Variants in MGAT4C observed in about 807,000 individuals in gnomAD.
MGAT4C encodes the protein MGAT4 family member C.
In MGAT4C, 19 loss-of-function variants were observed where a neutral mutation model predicts 40.1. The ratio of observed to expected loss-of-function variants is 0.47; its 90% CI spans 0.33 to 0.70. The LOEUF is 0.70. Among genes scored for constraint, MGAT4C ranks in the 30% least tolerant of loss-of-function variants. The pLI, the probability that MGAT4C is intolerant of heterozygous loss-of-function variation, is 0.02. For missense variants in MGAT4C, 491 were observed against 563.2 expected (o/e 0.87, Z 1.30); for synonymous variants, 181 against 187.1 (o/e 0.97, Z 0.27).
At chr12:86,572,754 T>C (rs1960415754) in intron 2 of MGAT4C, among the ~76,000 whole-genome samples, 1 of 152,032 alleles carries the variant, frequency 6.6e-6, no homozygotes, top group African/African-American at 2.4e-5. Context: ...CAACACTGGC[T>C]CTCCCAACCT....
rs554806740 is a variant in MGAT4C at position 86,657,844 on chromosome 12, T to C, written c.-229+69365A>G. Among the ~76,000 whole-genome samples, 5 of 152,104 alleles carry C rather than the reference T, an allele frequency of 3.3e-5. No individual in the cohort carries two copies. The East Asian group carries it at 9.7e-4, about 29-fold the overall frequency. ...CACTGAAAAGGCACCATATTCAAGA[T>C]GTTCTTTGAAAATTAAAGCACACAA... On this transcript the variant is annotated intron_variant, in intron 2 of 7. Coordinates refer to the MGAT4C transcript ENST00000548651.
At position 86,037,139 on chromosome 12, in the gene MGAT4C, C is replaced by T. The variant is rs553203707; in HGVS notation, c.-7+12535G>A. On this transcript the variant is annotated intron_variant, in intron 2 of 4. Transcript: ENST00000611864. ...TTCTGTGAGATCAGTGGTGATATCC[C>T]CTCGATCATTTTTTATTGCATCTAT... Among the ~76,000 whole-genome samples, 6 of 149,860 alleles carry T rather than the reference C, an allele frequency of 4.0e-5. No individual in the cohort carries two copies. The East Asian group carries it at 9.7e-4, about 24-fold the overall frequency.
intron 4 of MGAT4C, among the ~76,000 whole-genome samples, chr12:86,323,742 T>C (rs1954454470): frequency 6.6e-6 from 1 of 151,976 alleles, no homozygotes; most frequent in Non-Finnish European, 1.5e-5. Flanking sequence ...CTTTATAGCT[T>C]CATGCTTCAT....
chr12:86,684,464 C>G (rs954519091), intron 2 of MGAT4C, among the ~76,000 whole-genome samples: 3 of 152,148 alleles, frequency 2.0e-5, no homozygotes, highest in African/African-American at 7.2e-5. Context: ...CAAGTCTTTG[C>G]TCAGGTAAAT....
rs551014368 is a variant in MGAT4C at position 86,300,495 on chromosome 12, G to C, written c.-57+33570C>G. 6.6e-5 allele frequency among the ~76,000 whole-genome samples: 10 copies of C among 152,152 alleles called. No homozygotes were observed. In the South Asian group the frequency reaches 2.1e-3, roughly 32 times the overall value. On this transcript the variant is annotated intron_variant, in intron 4 of 7. Transcript: ENST00000548651. ...TATATAGAGTACATATTTTTAAATG[G>C]AATGGGAAAGACAGAAAAACAAAAA...
At chr12:86,745,174 T>A (rs1951134374) in intron 1 of MGAT4C, 1 of 150,416 alleles carries the variant, frequency 6.6e-6, no homozygotes, top group African/African-American at 2.4e-5. Context: ...CAAAATAAAG[T>A]TTTTTTTTTA....
intron 2 of MGAT4C, among the ~76,000 whole-genome samples, chr12:86,602,131 G>A (rs1270162779): frequency 6.6e-6 from 1 of 152,158 alleles, no homozygotes. Context: ...GGCCAGACCC[G>A]TGTTCATTTT....
At chr12:86,127,990 A>G (rs925698998) in intron 1 of MGAT4C, among the ~76,000 whole-genome samples, 2 of 152,234 alleles carry the variant, frequency 1.3e-5, no homozygotes, top group African/African-American at 4.8e-5. Flanking sequence ...TAGTAAATAC[A>G]TAAACCAGTA....
At chr12:86,646,449 GTTTC>G (rs1963545328) in intron 2 of MGAT4C, among the ~76,000 whole-genome samples, 1 of 151,824 alleles carries the variant, frequency 6.6e-6, no homozygotes, top group Non-Finnish European at 1.5e-5. Context: ...GTGAAACTTA[GTTTC>G]TTTGAGATTT....
intron 2 of MGAT4C, among the ~76,000 whole-genome samples, chr12:86,586,074 A>T (rs1418471040): frequency 6.9e-6 from 1 of 144,716 alleles, no homozygotes; most frequent in Non-Finnish European, 1.5e-5. Context: ...AGCATTAGGT[A>T]TATCTCCTAA....
At position 86,359,503 on chromosome 12, in the gene MGAT4C, A is replaced by AT. The variant is rs555916767; in HGVS notation, c.-119-25377dup. On this transcript the variant is annotated intron_variant, in intron 3 of 7. Coordinates refer to the MGAT4C transcript ENST00000548651. ...GAGAAGAACTGAAGGAGATAGAGAC[A>AT]TAAAAAAAAAACCCTTCAAAAAATC... Among the ~76,000 whole-genome samples the AT allele has an allele frequency of 1.8e-3, 265 of 149,492 alleles. 2 individuals are homozygous for AT. Among genetic ancestry groups the AT allele is most frequent in the African/African-American group, 6.1e-3 (251 of 40,954 alleles).
intron 1 of MGAT4C, among the ~76,000 whole-genome samples, chr12:86,236,864 C>G (rs945045627): frequency 6.6e-6 from 1 of 151,842 alleles, no homozygotes; most frequent in Non-Finnish European, 1.5e-5. Context: ...ATGTGATTAT[C>G]TTGGTAAACA....
intron 4 of MGAT4C, among the ~76,000 whole-genome samples, chr12:86,274,013 T>G (rs1325500315): frequency 6.6e-6 from 1 of 152,162 alleles, no homozygotes; most frequent in Admixed American, 6.5e-5. Flanking sequence ...TGGCATCTGC[T>G]CAGCTCCTGG....
intron 2 of MGAT4C, among the ~76,000 whole-genome samples, chr12:86,438,309 T>G (rs993419984): frequency 6.6e-6 from 1 of 151,850 alleles, no homozygotes; most frequent in African/African-American, 2.4e-5. Context: ...CTATGAAAGC[T>G]GAGAGAGTTG....
At chr12:86,752,807 A>G (rs888957182) in intron 1 of MGAT4C, among the ~76,000 whole-genome samples, 1 of 152,126 alleles carries the variant, frequency 6.6e-6, no homozygotes, top group African/African-American at 2.4e-5. Flanking sequence ...TTGAACAAAT[A>G]TACCCTTTTT....
intron 2 of MGAT4C, among the ~76,000 whole-genome samples, chr12:86,698,906 T>C (rs902216361): frequency 3.9e-5 from 6 of 152,144 alleles, no homozygotes; most frequent in African/African-American, 7.2e-5. Flanking sequence ...GGAGAAAGTA[T>C]GTCCTTGATT....
chr12:86,428,815 T>C (rs1956979180), intron 3 of MGAT4C, among the ~76,000 whole-genome samples: 1 of 152,140 alleles, frequency 6.6e-6, no homozygotes, highest in Admixed American at 6.5e-5. Flanking sequence ...TGTTGTAATG[T>C]CTACTTTTTC....
At chr12:86,791,237 T>G (rs1240291747) in intron 1 of MGAT4C, among the ~76,000 whole-genome samples, 2 of 152,082 alleles carry the variant, frequency 1.3e-5, no homozygotes, top group Non-Finnish European at 2.9e-5. Context: ...AAAGAACAAG[T>G]ATCCAGTCAC....
chr12:86,679,175 A>G (rs1415126818), intron 2 of MGAT4C, among the ~76,000 whole-genome samples: 1 of 152,132 alleles, frequency 6.6e-6, no homozygotes, highest in African/African-American at 2.4e-5. Context: ...TTTTTCTGAT[A>G]GCCAGTGATG....
Sources: gnomAD v4.1 joint callset for allele counts (sites outside exome capture counted in the v4.1 genomes callset) on GRCh38, gnomAD v4.1.1 for gene constraint, MANE v1.5 for transcripts, NCBI Gene and HGNC (gene_info 2026-07-23, HGNC 2026-07-21) for gene names.